Variants in AK8 observed in about 807,000 individuals in gnomAD.
AK8 encodes the protein ATP-AMP transphosphorylase 8.
A neutral mutation model predicts 54.6 loss-of-function variants in AK8; 44 were observed. The ratio of observed to expected loss-of-function variants is 0.81; its 90% CI spans 0.63 to 1.04. The LOEUF (loss-of-function observed/expected upper bound fraction) is 1.04, where lower values mean the gene tolerates loss of function less well. Ranked by LOEUF, AK8 falls within the 50% of genes least tolerant of loss-of-function variation. AK8 has a pLI of 0.00. For missense variants in AK8, 555 were observed against 613.6 expected (o/e 0.90, Z 1.01); for synonymous variants, 239 against 245.6 (o/e 0.97, Z 0.25).
At chr9:132,744,006 C>G (rs1178673433) in intron 11 of AK8, among the ~76,000 whole-genome samples, 1 of 152,206 alleles carries the variant, frequency 6.6e-6, no homozygotes, top group Non-Finnish European at 1.5e-5. Context: ...GGACAGTGAA[C>G]CTGCCGGAAC....
intron 7 of AK8, 136 bp downstream of exon 7, chr9:132,827,877 C>T: frequency 1.2e-6 from 1 of 816,592 alleles, no homozygotes; most frequent in Non-Finnish European, 1.9e-6. Flanking sequence ...GCTCAGAGCC[C>T]AGCCTGTGGC....
At chr9:132,797,477 C>T (rs1262805243) in intron 10 of AK8, among the ~76,000 whole-genome samples, 1 of 152,186 alleles carries the variant, frequency 6.6e-6, no homozygotes. Flanking sequence ...CTCAGTCGTT[C>T]CATTCATCTC....
chr9:132,752,231 T>A (rs532779619), intron 11 of AK8, among the ~76,000 whole-genome samples: 12 of 151,938 alleles, frequency 7.9e-5, no homozygotes, highest in African/African-American at 2.9e-4. Context: ...GAAATATTTT[T>A]ACTTAGCTAC....
intron 1 of AK8, chr9:132,877,757 C>G (rs948882443): frequency 2.2e-6 from 1 of 447,658 alleles, no homozygotes; most frequent in African/African-American, 2.0e-5. Flanking sequence ...CCTCAGAAAC[C>G]TGGGCCGAGA....
intron 11 of AK8, among the ~76,000 whole-genome samples, chr9:132,728,559 A>G (rs1283492671): frequency 3.9e-5 from 6 of 152,330 alleles, no homozygotes; most frequent in African/African-American, 1.4e-4. Flanking sequence ...AGGTCTGCAC[A>G]GACTCGGTAC....
intron 9 of AK8, among the ~76,000 whole-genome samples, chr9:132,820,349 A>G (rs748978176): frequency 6.6e-6 from 1 of 152,148 alleles, no homozygotes; most frequent in African/African-American, 2.4e-5. Flanking sequence ...CACCCCCTGG[A>G]TACTGCTGAG....
chr9:132,878,087 T>G lies in AK8; in HGVS notation c.84+85A>C. On this transcript the variant is annotated intron_variant, in intron 1 of 12. Coordinates refer to ENST00000298545, the MANE Select transcript of AK8 (RefSeq NM_152572.3). The surrounding 1 kb of genome is among the most constrained non-coding windows in gnomAD (Gnocchi z 4.7). ...CGTGGGCGCGCGACTCGGCCCCAGC[T>G]GCGGGTCCCGGCCGCGCACCCGACG... The G allele has an allele frequency of 6.5e-7, 1 of 1,538,504 alleles. No individual in the cohort carries two copies. Among genetic ancestry groups the G allele is most frequent in the African/African-American group, 1.4e-5 (1 of 72,714 alleles).
At chr9:132,794,103 T>C (rs906864932) in intron 10 of AK8, among the ~76,000 whole-genome samples, 2 of 152,242 alleles carry the variant, frequency 1.3e-5, no homozygotes, top group Non-Finnish European at 2.9e-5. Context: ...ACCCTAATTC[T>C]AAGCAGTCTG....
intron 10 of AK8, among the ~76,000 whole-genome samples, chr9:132,794,669 C>A (rs1027779536): frequency 6.6e-6 from 1 of 152,196 alleles, no homozygotes; most frequent in South Asian, 2.1e-4. Context: ...AGATGTCTGG[C>A]ACATAGTAGG....
chr9:132,793,157 A>G (rs1385840147), intron 10 of AK8, among the ~76,000 whole-genome samples: 3 of 152,158 alleles, frequency 2.0e-5, no homozygotes, highest in Non-Finnish European at 2.9e-5. Flanking sequence ...CAGTGCCTGG[A>G]AAGGGCCTAT....
At chr9:132,833,651 C>T (rs1004511904) in intron 5 of AK8, among the ~76,000 whole-genome samples, 3 of 152,138 alleles carry the variant, frequency 2.0e-5, no homozygotes, top group Non-Finnish European at 4.4e-5. Context: ...CAGTGCAGAG[C>T]TGGAGGTCTG....
chr9:132,752,400 C>T (rs1212250009), intron 11 of AK8, among the ~76,000 whole-genome samples: 2 of 151,878 alleles, frequency 1.3e-5, no homozygotes, highest in Admixed American at 6.6e-5. Context: ...TAGGCGCCCG[C>T]CACCACGCCT....
intron 9 of AK8, 102 bp from the exon 10 acceptor site, chr9:132,814,829 G>T: frequency 1.1e-6 from 1 of 950,878 alleles, no homozygotes; most frequent in Non-Finnish European, 1.5e-6. Context: ...AAAAAAAAAA[G>T]GTCACTGAAA....
intron 5 of AK8, among the ~76,000 whole-genome samples, chr9:132,845,616 A>G (rs1480980813): frequency 6.6e-6 from 1 of 152,108 alleles, no homozygotes; most frequent in African/African-American, 2.4e-5. Context: ...CATGGTCTCT[A>G]CTAAAAATAT....
chr9:132,811,367 G>A (rs1840994986), intron 10 of AK8, among the ~76,000 whole-genome samples: 1 of 152,216 alleles, frequency 6.6e-6, no homozygotes, highest in South Asian at 2.1e-4. Context: ...AGAGAGGGAG[G>A]TGTGATAGCA....
Position 132,751,983 on chromosome 9 carries a change from C to CGT in AK8, c.1122-24450_1122-24449insAC, listed in dbSNP as rs1451125975. Reference sequence around the variant, plus strand: ...CCTCCTGAGTAGCTGGGACTATAGGCATGCAGCACCACACCTGACTAATTT... The same window carrying CGT: ...CCTCCTGAGTAGCTGGGACTATAGGCGTATGCAGCACCACACCTGACTAATTT... On this transcript the variant is annotated intron_variant, in intron 11 of 12. Coordinates refer to ENST00000298545, the MANE Select transcript of AK8 (RefSeq NM_152572.3). Among the ~76,000 whole-genome samples the CGT allele has an allele frequency of 6.0e-3, 908 of 150,408 alleles. 8 individuals carry two copies. Among genetic ancestry groups the CGT allele is most frequent in the Non-Finnish European group, 9.6e-3 (643 of 66,866 alleles).
chr9:132,802,466 C>T (rs1357519460), intron 10 of AK8, among the ~76,000 whole-genome samples: 1 of 152,170 alleles, frequency 6.6e-6, no homozygotes, highest in Non-Finnish European at 1.5e-5. Flanking sequence ...CCACCTTCCA[C>T]CCCAACCACT....
At chr9:132,827,710 G>C (rs1313706613) in intron 7 of AK8, 1 of 406,026 alleles carries the variant, frequency 2.5e-6, no homozygotes, top group Non-Finnish European at 4.5e-6. Context: ...GGGAGAGGCA[G>C]ACATGTCCCC....
intron 4 of AK8, among the ~76,000 whole-genome samples, chr9:132,857,463 TGGCAAGGGAAGGGGTGGACAGGAAGCA>T (rs1843216191): frequency 6.6e-6 from 1 of 152,050 alleles, no homozygotes; most frequent in Admixed American, 6.5e-5. Flanking sequence ...TTCCCCAGGC[TGGCAAGGGAAGGGGTGGACAGGAAGCA>T]GCCCTGTCCC....
Sources: allele counts gnomAD v4.1 joint callset (sites outside exome capture counted in the v4.1 genomes callset), GRCh38; gene constraint gnomAD v4.1.1; non-coding constraint Gnocchi (gnomAD v3.1); transcripts MANE v1.5; gene names NCBI Gene and HGNC (gene_info 2026-07-23, HGNC 2026-07-21).